The following KIRREL3 variants were observed in gnomAD, a reference collection of about 807,000 sequenced individuals.
KIRREL3 encodes kirre like nephrin family adhesion molecule 3.
A neutral mutation model predicts 89.7 loss-of-function variants in KIRREL3; 36 were observed. That is an observed-to-expected ratio of 0.40 (90% confidence interval 0.31 to 0.53). KIRREL3 has a LOEUF of 0.53. Among genes scored for constraint, KIRREL3 ranks in the 20% least tolerant of loss-of-function variants. KIRREL3 has a pLI of 0.49. For synonymous variants in KIRREL3, 445 were observed against 441.4 expected (o/e 1.01, Z -0.10); for missense variants, 864 against 1,056.6 (o/e 0.82, Z 2.53).
intron 1 of KIRREL3, among the ~76,000 whole-genome samples, chr11:126,932,372 C>T (rs1317091201): frequency 6.6e-6 from 1 of 152,168 alleles, no homozygotes; most frequent in Non-Finnish European, 1.5e-5. Flanking sequence ...ACAGAAAGGG[C>T]AAAGCTCAAT....
rs915028903 is a variant in KIRREL3, at chr11:126,918,167, C to T, written c.55+82288G>A. ...CACGACTTGAGGGAGATGGATGTTA[C>T]TGAGGCAAAAGAAATGTTCATTGCC... On this transcript the variant is annotated intron_variant, in intron 1 of 16. Transcript: ENST00000525144. The surrounding 1 kb of genome is among the most constrained non-coding windows in gnomAD (Gnocchi z 6.5). Among the ~76,000 whole-genome samples, 3 of 152,156 alleles carry T rather than the reference C, an allele frequency of 2.0e-5. No homozygotes were observed. Among genetic ancestry groups the T allele is most frequent in the Admixed American group, 2.0e-4 (3 of 15,272 alleles).
rs1946215080 is a variant in KIRREL3 at position 126,897,533 on chromosome 11, A to G, written c.55+102922T>C. On this transcript the variant is annotated intron_variant, in intron 1 of 16. Coordinates refer to ENST00000525144, the MANE Select transcript of KIRREL3 (RefSeq NM_032531.4). The surrounding 1 kb of genome is among the most constrained non-coding windows in gnomAD (Gnocchi z 4.2). ...CCCAAAAGGAGTAGAACAGGAAACCAGCTCCCACAGAGGGTTAAAGGCACA... is the reference window on the plus strand; with the variant it reads ...CCCAAAAGGAGTAGAACAGGAAACCGGCTCCCACAGAGGGTTAAAGGCACA... Among the ~76,000 whole-genome samples the G allele has an allele frequency of 6.6e-6, 1 of 152,308 alleles. No individual in the cohort carries two copies. Among genetic ancestry groups the G allele is most frequent in the East Asian group, 1.9e-4 (1 of 5,176 alleles).
intron 1 of KIRREL3, among the ~76,000 whole-genome samples, chr11:126,979,797 G>C (rs573409637): frequency 6.6e-6 from 1 of 152,330 alleles, no homozygotes; most frequent in South Asian, 2.1e-4. Flanking sequence ...ATCTTTTCAA[G>C]AAAACCAGGT....
In KIRREL3 at chr11:126,808,638, C is replaced by G. The variant is rs1295139157; in HGVS notation, c.55+191817G>C. ...GAGCCAAATGGGCGGGGGCCTTTTT[C>G]TGCGCTTTTTAACCATCTCAGATTA... On this transcript the variant is annotated intron_variant, in intron 1 of 16. Transcript: ENST00000525144. This position sits in a 1 kb window ranked among gnomAD's most constrained non-coding sequence, Gnocchi z 4.1. Among the ~76,000 whole-genome samples the G allele has an allele frequency of 6.6e-6, 1 of 152,182 alleles. No homozygotes were observed.
chr11:126,451,408 AT>A (rs1565464652), intron 7 of KIRREL3, among the ~76,000 whole-genome samples: 16 of 74,656 alleles, frequency 2.1e-4, no homozygotes, highest in Non-Finnish European at 3.1e-4. Flanking sequence ...GCATGTGTGC[AT>A]GTGTGTGCAT....
rs1955059697 is a variant in KIRREL3 at position 126,429,715 on chromosome 11, A to G, written c.1697-427T>C. Among the ~76,000 whole-genome samples, 1 of 152,224 alleles carries G rather than the reference A, an allele frequency of 6.6e-6. No homozygotes were observed. Among genetic ancestry groups the G allele is most frequent in the African/African-American group, 2.4e-5 (1 of 41,462 alleles). ...TGTTGGAAAGGACCTCAAAGTGCCC[A>G]TGGCCAACCCCCATCCAAAGAGAAA... On this transcript the variant is annotated intron_variant, in intron 14 of 16. Coordinates refer to ENST00000525144, the MANE Select transcript of KIRREL3 (RefSeq NM_032531.4). This position sits in a 1 kb window ranked among gnomAD's most constrained non-coding sequence, Gnocchi z 5.2.
chr11:126,624,899 T>G lies in KIRREL3; in HGVS notation c.56-61987A>C, dbSNP rs891381065. Among the ~76,000 whole-genome samples the G allele has an allele frequency of 6.6e-6, 1 of 152,050 alleles. No homozygotes were observed. Among genetic ancestry groups the G allele is most frequent in the Non-Finnish European group, 1.5e-5 (1 of 68,008 alleles). On this transcript the variant is annotated intron_variant, in intron 1 of 16. Coordinates refer to ENST00000525144, the MANE Select transcript of KIRREL3 (RefSeq NM_032531.4). The surrounding 1 kb of genome is among the most constrained non-coding windows in gnomAD (Gnocchi z 6.0). ...CCAGACCTACCATCAGTAAGGATGG[T>G]GGAAATTGGGGTGGGGCAGGGACTG...
intron 1 of KIRREL3, among the ~76,000 whole-genome samples, chr11:126,833,043 C>A (rs1385293201): frequency 2.0e-5 from 3 of 152,138 alleles, no homozygotes; most frequent in Non-Finnish European, 4.4e-5. Flanking sequence ...GTGCGGCTGT[C>A]CATAGACTCT....
intron 1 of KIRREL3, among the ~76,000 whole-genome samples, chr11:126,660,750 T>A (rs747026452): frequency 6.6e-6 from 1 of 152,178 alleles, no homozygotes; most frequent in Non-Finnish European, 1.5e-5. Context: ...AGCTAGAACA[T>A]GCACTGACTC....
rs1385432635 is a variant in KIRREL3, at chr11:126,557,935, C to G, written c.133+4900G>C. Among the ~76,000 whole-genome samples the G allele has an allele frequency of 6.6e-6, 1 of 152,220 alleles. No individual in the cohort carries two copies. Among genetic ancestry groups the G allele is most frequent in the Non-Finnish European group, 1.5e-5 (1 of 68,036 alleles). On this transcript the variant is annotated intron_variant, in intron 2 of 16. Coordinates refer to ENST00000525144, the MANE Select transcript of KIRREL3 (RefSeq NM_032531.4). The surrounding 1 kb of genome is among the most constrained non-coding windows in gnomAD (Gnocchi z 5.6). ...CCCACACAGGGTAGAGGTCTCCAGTCAGCAAAAGCTGCCTTTGCTAATCAC... is the reference window on the plus strand; with the variant it reads ...CCCACACAGGGTAGAGGTCTCCAGTGAGCAAAAGCTGCCTTTGCTAATCAC...
Position 126,475,676 on chromosome 11 carries a change from A to AC in KIRREL3, c.434-2211dup, listed in dbSNP as rs955980197. ...ATGAATGGGATGGATGGAGAAGACG[A>AC]CCCCCCAGCCGCCCACCCCACACCC... On this transcript the variant is annotated intron_variant, in intron 4 of 16. Coordinates refer to ENST00000525144, the MANE Select transcript of KIRREL3 (RefSeq NM_032531.4). The surrounding 1 kb of genome is among the most constrained non-coding windows in gnomAD (Gnocchi z 7.5). Among the ~76,000 whole-genome samples, 6 of 151,122 alleles carry AC rather than the reference A, an allele frequency of 4.0e-5. No homozygotes were observed. Among genetic ancestry groups the AC allele is most frequent in the African/African-American group, 7.3e-5 (3 of 41,026 alleles).
chr11:126,950,330 G>C (rs1175999897), intron 1 of KIRREL3, among the ~76,000 whole-genome samples: 1 of 152,066 alleles, frequency 6.6e-6, no homozygotes, highest in African/African-American at 2.4e-5. Flanking sequence ...TTGTGCCACT[G>C]CACTCCAGCC....
intron 8 of KIRREL3, among the ~76,000 whole-genome samples, 183 bp downstream of exon 8, chr11:126,448,826 G>A (rs1216470765): frequency 6.6e-6 from 1 of 152,214 alleles, no homozygotes; most frequent in Non-Finnish European, 1.5e-5. Flanking sequence ...ATGGGGTCAT[G>A]ATAGGGATTG....
intron 1 of KIRREL3, among the ~76,000 whole-genome samples, chr11:126,933,606 T>C (rs1025154695): frequency 6.6e-6 from 1 of 151,800 alleles, no homozygotes; most frequent in Admixed American, 6.6e-5. Flanking sequence ...AGTCAGCAAG[T>C]TCACAAGATC....
chr11:126,502,530 A>G (rs138561929), intron 4 of KIRREL3, among the ~76,000 whole-genome samples: 1 of 152,354 alleles, frequency 6.6e-6, no homozygotes, highest in African/African-American at 2.4e-5. Flanking sequence ...ATAGATTTTT[A>G]AGACCAGCAG....
intron 1 of KIRREL3, among the ~76,000 whole-genome samples, chr11:126,839,666 T>C (rs1943897439): frequency 2.0e-5 from 3 of 152,178 alleles, no homozygotes; most frequent in Admixed American, 6.5e-5. Flanking sequence ...ATCGAGGCCA[T>C]TGTGTGAAGG....
At position 126,876,530 on chromosome 11, in the gene KIRREL3, TA is replaced by T. The variant is rs993299911; in HGVS notation, c.55+123924del. On this transcript the variant is annotated intron_variant, in intron 1 of 16. Coordinates refer to ENST00000525144, the MANE Select transcript of KIRREL3 (RefSeq NM_032531.4). The surrounding 1 kb of genome is among the most constrained non-coding windows in gnomAD (Gnocchi z 4.1). ...GTGCTTGGCTTACAGTACATACTCA[TA>T]AATATGCTTTTTTTTTTTTTTTTTG... 4.4e-5 allele frequency among the ~76,000 whole-genome samples: 6 copies of T among 135,568 alleles called. No individual in the cohort carries two copies. Among genetic ancestry groups the T allele is most frequent in the African/African-American group, 1.7e-4 (6 of 36,234 alleles). The allele number at this position is 135,568 out of a possible 152,430, so 88.9% of individuals were successfully genotyped here.
chr11:126,667,556 C>T lies in KIRREL3; in HGVS notation c.56-104644G>A, dbSNP rs183790763. Among the ~76,000 whole-genome samples, 6 of 152,266 alleles carry T rather than the reference C, an allele frequency of 3.9e-5. No individual in the cohort carries two copies. The East Asian group carries it at 7.7e-4, about 20-fold the overall frequency. On this transcript the variant is annotated intron_variant, in intron 1 of 16. Transcript: ENST00000525144. Reference sequence around the variant, plus strand: ...AGAAGGGCTGTCTTTTCTGTTTTCTCTGGGGCACCATGGCTATAATAACTT... The same window carrying T: ...AGAAGGGCTGTCTTTTCTGTTTTCTTTGGGGCACCATGGCTATAATAACTT...
At chr11:126,461,151 T>A (rs1956526599) in intron 6 of KIRREL3, among the ~76,000 whole-genome samples, 1 of 152,258 alleles carries the variant, frequency 6.6e-6, no homozygotes. Context: ...CCTAGGGTGA[T>A]GTGACAGGCG....
Sources: gnomAD v4.1 joint callset for allele counts (sites outside exome capture counted in the v4.1 genomes callset) on GRCh38, gnomAD v4.1.1 for gene constraint, Gnocchi (gnomAD v3.1) non-coding constraint, MANE v1.5 for transcripts, NCBI Gene and HGNC (gene_info 2026-07-23, HGNC 2026-07-21) for gene names.